ANKRD30BL: variants seen among roughly 807,000 people sequenced by gnomAD.
ANKRD30BL encodes putative ankyrin repeat domain-containing protein 30B-like.
ANKRD30BL carries 20 observed loss-of-function variants against 18.4 expected under a neutral mutation model. That is an observed-to-expected ratio of 1.09 (90% CI 0.77 to 1.58). The LOEUF is 1.58. Ranked by LOEUF, ANKRD30BL falls within the 40% of genes most tolerant of loss-of-function variation. The pLI, the probability that ANKRD30BL is intolerant of heterozygous loss-of-function variation, is 0.00. For synonymous variants in ANKRD30BL, 72 were observed against 100.9 expected, an observed-to-expected ratio of 0.71 and a Z score of 1.72; for missense variants, 224 against 268.6, an observed-to-expected ratio of 0.83 and a Z score of 1.16.
Position 132,209,489 on chromosome 2 carries a change from G to A in ANKRD30BL, n.441+48040C>T, listed in dbSNP as rs371947276. Among the ~76,000 whole-genome samples, 8 of 152,046 alleles carry A rather than the reference G, an allele frequency of 5.3e-5. 1 individual carries two copies. Among genetic ancestry groups the A allele is most frequent in the Admixed American group, 6.6e-5 (1 of 15,212 alleles). On this transcript the variant is annotated intron_variant and non_coding_transcript_variant, in intron 1 of 4. Coordinates refer to the ANKRD30BL transcript ENST00000470729. Reference sequence around the variant, plus strand: ...CAAGTGGACATTCGGAGCGATTTGAGGCCTATGGAGGAAAAGGAAACATCT... The same window carrying A: ...CAAGTGGACATTCGGAGCGATTTGAAGCCTATGGAGGAAAAGGAAACATCT...
chr2:132,175,321 G>A (rs1688344468), intron 1 of ANKRD30BL, among the ~76,000 whole-genome samples: 1 of 151,954 alleles, frequency 6.6e-6, no homozygotes, highest in Admixed American at 6.6e-5. Flanking sequence ...TTCAAGGGGA[G>A]GTACTATGCC....
chr2:132,200,600 C>T (rs1192757929), intron 1 of ANKRD30BL, among the ~76,000 whole-genome samples: 1 of 152,048 alleles, frequency 6.6e-6, no homozygotes, highest in Non-Finnish European at 1.5e-5. Flanking sequence ...ATGTGAAGTA[C>T]CTCTTCAAGG....
At chr2:132,192,339 G>T (rs1678877588) in intron 1 of ANKRD30BL, among the ~76,000 whole-genome samples, 1 of 152,168 alleles carries the variant, frequency 6.6e-6, no homozygotes, top group Admixed American at 6.6e-5. Flanking sequence ...ATTCTTGCAG[G>T]TGTCAATGGT....
intron 5 of ANKRD30BL, among the ~76,000 whole-genome samples, chr2:132,150,229 A>G (rs1687721796): frequency 6.6e-6 from 1 of 151,088 alleles, no homozygotes; most frequent in African/African-American, 2.5e-5. Context: ...ACAATAAAGA[A>G]ACAAACAAAT....
intron 1 of ANKRD30BL, among the ~76,000 whole-genome samples, chr2:132,237,459 T>C (rs947685410): frequency 3.9e-5 from 6 of 152,156 alleles, no homozygotes; most frequent in African/African-American, 1.4e-4. Context: ...CACATAAAAC[T>C]AGACAGAAGC....
intron 1 of ANKRD30BL, among the ~76,000 whole-genome samples, chr2:132,214,721 T>C (rs1020936549): frequency 2.4e-4 from 37 of 152,104 alleles, no homozygotes; most frequent in African/African-American, 8.7e-4. Flanking sequence ...TTGCGATGTG[T>C]GCATTCATCT....
At chr2:132,224,275 T>G (rs1679781155) in intron 1 of ANKRD30BL, among the ~76,000 whole-genome samples, 1 of 152,060 alleles carries the variant, frequency 6.6e-6, no homozygotes, top group African/African-American at 2.4e-5. Flanking sequence ...TTTGGAGATC[T>G]TTGAGGCCTA....
At chr2:132,191,737 A>ATTT (rs777830399) in intron 1 of ANKRD30BL, among the ~76,000 whole-genome samples, 102 of 111,874 alleles carry the variant, frequency 9.1e-4, no homozygotes, top group African/African-American at 3.2e-3. Context: ...ATGGAGTTTG[A>ATTT]TTTTTTTTTT....
intron 1 of ANKRD30BL, among the ~76,000 whole-genome samples, chr2:132,170,425 C>G (rs1395437628): frequency 6.6e-6 from 1 of 152,218 alleles, no homozygotes; most frequent in Non-Finnish European, 1.5e-5. Context: ...AGAGGCCAGG[C>G]TCCTCCCCGC....
intron 1 of ANKRD30BL, among the ~76,000 whole-genome samples, chr2:132,187,156 T>A (rs927335180): frequency 6.6e-6 from 1 of 150,500 alleles, no homozygotes; most frequent in Non-Finnish European, 1.5e-5. Flanking sequence ...TAATCATGCA[T>A]CGTAGGAAGT....
chr2:132,251,096 G>A (rs2104808741), intron 1 of ANKRD30BL, among the ~76,000 whole-genome samples: 1 of 152,224 alleles, frequency 6.6e-6, no homozygotes, highest in East Asian at 1.9e-4. Context: ...TTAATCTTCA[G>A]TTTTTTTCCT....
intron 1 of ANKRD30BL, among the ~76,000 whole-genome samples, chr2:132,182,592 C>T (rs1688488527): frequency 6.6e-6 from 1 of 151,688 alleles, no homozygotes; most frequent in South Asian, 2.1e-4. Flanking sequence ...AGTTATTGCA[C>T]AATAGGAAGA....
At chr2:132,224,921 C>A (rs200180983) in intron 1 of ANKRD30BL, among the ~76,000 whole-genome samples, 2 of 150,260 alleles carry the variant, frequency 1.3e-5, no homozygotes, top group East Asian at 4.0e-4. Flanking sequence ...ACACTCTTTG[C>A]AGAATCTGGA....
intron 1 of ANKRD30BL, among the ~76,000 whole-genome samples, chr2:132,212,592 T>C (rs1481167418): frequency 6.6e-6 from 1 of 151,494 alleles, no homozygotes; most frequent in African/African-American, 2.4e-5. Flanking sequence ...TAGAATCTGC[T>C]AGTGGACAAT....
upstream of ANKRD30BL, among the ~76,000 whole-genome samples, chr2:132,165,164 C>A (rs1020829006): frequency 6.6e-6 from 1 of 152,034 alleles, no homozygotes; most frequent in Non-Finnish European, 1.5e-5. Flanking sequence ...CCAAATAATG[C>A]CCACGTGCTT....
chr2:132,248,775 TA>T (rs1301730917), intron 1 of ANKRD30BL, among the ~76,000 whole-genome samples: 7 of 152,102 alleles, frequency 4.6e-5, no homozygotes, highest in Admixed American at 1.3e-4. Flanking sequence ...TTATAGTTTT[TA>T]TTGAAGATAT....
intron 1 of ANKRD30BL, among the ~76,000 whole-genome samples, chr2:132,233,808 A>T (rs952684352): frequency 6.6e-6 from 1 of 150,730 alleles, no homozygotes; most frequent in African/African-American, 2.4e-5. Flanking sequence ...ATACCCAGGA[A>T]TTGAACTCAG....
chr2:132,214,185 C>T (rs1679430583), intron 1 of ANKRD30BL, among the ~76,000 whole-genome samples: 2 of 151,968 alleles, frequency 1.3e-5, no homozygotes, highest in African/African-American at 4.8e-5. Flanking sequence ...CAGAAACATT[C>T]TGACAAATTT....
intron 1 of ANKRD30BL, among the ~76,000 whole-genome samples, chr2:132,182,933 G>C: frequency 6.6e-6 from 1 of 151,990 alleles, no homozygotes; most frequent in Middle Eastern, 3.4e-3. Flanking sequence ...CAACTTTTCT[G>C]TTTTAATAAA....
Sources: allele counts gnomAD v4.1 joint callset (sites outside exome capture counted in the v4.1 genomes callset), GRCh38; gene constraint gnomAD v4.1.1; transcripts MANE v1.5; gene names NCBI Gene and HGNC (gene_info 2026-07-23, HGNC 2026-07-21).